The following FHIT variants were observed in gnomAD, a reference collection of about 807,000 sequenced individuals.
FHIT encodes the protein bis(5'-adenosyl)-triphosphatase.
A neutral mutation model predicts 17.9 loss-of-function variants in FHIT; 19 were observed. The observed-to-expected ratio is 1.06, with a 90% confidence interval of 0.74 to 1.56. The LOEUF is 1.56. Among genes scored for constraint, FHIT ranks in the 40% most tolerant of loss-of-function variants. FHIT has a pLI of 0.00. For missense variants in FHIT, 248 were observed against 189.2 expected, an observed-to-expected ratio of 1.31 and a Z score of -1.82; for synonymous variants, 81 against 69.7, an observed-to-expected ratio of 1.16 and a Z score of -0.81.
chr3:59,916,500 T>C (rs900072992), intron 8 of FHIT, among the ~76,000 whole-genome samples: 1 of 152,220 alleles, frequency 6.6e-6, no homozygotes, highest in African/African-American at 2.4e-5. Flanking sequence ...TCCTACTAGT[T>C]CTGTCCTGCT....
intron 8 of FHIT, among the ~76,000 whole-genome samples, chr3:59,860,084 C>G (rs17363039): frequency 0.056 from 8,555 of 151,976 alleles, 311 homozygotes; most frequent in Non-Finnish European, 0.08. Flanking sequence ...GAAAGGATAC[C>G]GCAGTTCTTG....
At chr3:59,911,304 A>C (rs1704862300) in intron 8 of FHIT, among the ~76,000 whole-genome samples, 1 of 152,162 alleles carries the variant, frequency 6.6e-6, no homozygotes, top group Non-Finnish European at 1.5e-5. Context: ...CTCTGATGTA[A>C]ACTGGAACCA....
chr3:60,715,623 G>T lies in FHIT; in HGVS notation c.-18+106296C>A, dbSNP rs563696878. 6.0e-4 allele frequency among the ~76,000 whole-genome samples: 74 copies of T among 123,354 alleles called. 4 individuals are homozygous for T. The highest frequency in any genetic ancestry group is 2.2e-3 in the African/African-American group (70 of 32,528). The allele number at this position is 123,354 out of a possible 152,430, so 80.9% of individuals were successfully genotyped here. On this transcript the variant is annotated intron_variant, in intron 4 of 9. Transcript: ENST00000492590. Reference sequence around the variant, plus strand: ...ACATCACACTCTGGGGACTGTTGTGGGGTGGGGGGAGGGGGGAGGGGTAGC... The same window carrying T: ...ACATCACACTCTGGGGACTGTTGTGTGGTGGGGGGAGGGGGGAGGGGTAGC...
At chr3:60,480,164 G>A (rs2033543991) in intron 5 of FHIT, among the ~76,000 whole-genome samples, 1 of 152,170 alleles carries the variant, frequency 6.6e-6, no homozygotes, top group South Asian at 2.1e-4. Context: ...GAGAAAGAGA[G>A]AGAAAACCAG....
chr3:60,145,886 C>T (rs6789385), intron 5 of FHIT, among the ~76,000 whole-genome samples: 20,229 of 152,084 alleles, frequency 0.13, 2,254 homozygotes, highest in African/African-American at 0.3. Flanking sequence ...TTAAGGGCTC[C>T]CCAAGAACAG....
chr3:60,045,073 G>T (rs990629264), intron 5 of FHIT, among the ~76,000 whole-genome samples: 1 of 152,094 alleles, frequency 6.6e-6, no homozygotes, highest in Non-Finnish European at 1.5e-5. Flanking sequence ...ACAAAGATGG[G>T]GAGTTGTTGC....
At chr3:60,889,112 T>G (rs1264067244) in intron 3 of FHIT, among the ~76,000 whole-genome samples, 1 of 152,226 alleles carries the variant, frequency 6.6e-6, no homozygotes, top group Non-Finnish European at 1.5e-5. Context: ...TGACTCATTC[T>G]GATTACCTGC....
chr3:59,889,743 T>A (rs948776394), intron 8 of FHIT, among the ~76,000 whole-genome samples: 1 of 152,212 alleles, frequency 6.6e-6, no homozygotes, highest in Non-Finnish European at 1.5e-5. Flanking sequence ...CAGTCTTTGG[T>A]GCTCATTAAG....
Position 60,330,222 on chromosome 3 carries a change from T to G in FHIT, c.103+206638A>C, listed in dbSNP as rs146549119. On this transcript the variant is annotated intron_variant, in intron 5 of 9. Coordinates refer to ENST00000492590, the MANE Select transcript of FHIT (RefSeq NM_002012.4). The stretch of plus-strand genomic sequence containing the variant: ...TGACAGAGCAAGTATTCCAGACAAT[T>G]GGTTCCTGGAGGGTCAAGACAGCAA... 2.1e-3 allele frequency among the ~76,000 whole-genome samples: 321 copies of G among 152,254 alleles called. 1 individual carries two copies. Among genetic ancestry groups the G allele is most frequent in the Middle Eastern group, 6.8e-3 (2 of 294 alleles).
intron 5 of FHIT, among the ~76,000 whole-genome samples, chr3:60,138,387 C>T (rs924801637): frequency 2.6e-5 from 4 of 152,176 alleles, no homozygotes; most frequent in Non-Finnish European, 5.9e-5. Flanking sequence ...AGTAAATACA[C>T]ATTGTCTCTC....
chr3:60,158,790 C>T (rs1468181375), intron 5 of FHIT, among the ~76,000 whole-genome samples: 1 of 152,088 alleles, frequency 6.6e-6, no homozygotes. Context: ...AAATTATCCC[C>T]ACTTTGTGAC....
At chr3:59,995,351 G>T (rs192665164) in intron 7 of FHIT, among the ~76,000 whole-genome samples, 1 of 152,064 alleles carries the variant, frequency 6.6e-6, no homozygotes, top group East Asian at 1.9e-4. Flanking sequence ...CCAACTCCTA[G>T]CTTTCACCTC....
At chr3:61,046,250 G>A (rs2083265) in intron 2 of FHIT, among the ~76,000 whole-genome samples, 110,268 of 151,908 alleles carry the variant, frequency 0.73, 41,819 homozygotes, top group East Asian at 0.99. Flanking sequence ...TAGCAAGACT[G>A]GTAAAGAAGA....
chr3:60,648,185 T>A (rs2039906467), intron 4 of FHIT, among the ~76,000 whole-genome samples: 1 of 152,200 alleles, frequency 6.6e-6, no homozygotes. Context: ...TAGGTATCAC[T>A]TATCAATGAA....
chr3:59,889,693 G>T (rs1023998258), intron 8 of FHIT, among the ~76,000 whole-genome samples: 1 of 152,146 alleles, frequency 6.6e-6, no homozygotes, highest in Non-Finnish European at 1.5e-5. Flanking sequence ...CTAATAAATG[G>T]TTTCTTTTTT....
At chr3:60,535,839 C>A (rs371180895) in intron 5 of FHIT, 1 of 148,220 alleles carries the variant, frequency 6.7e-6, no homozygotes. Context: ...ACAATAGTTA[C>A]GTGGCTAGAA....
At chr3:59,894,599 A>C (rs1486655602) in intron 8 of FHIT, among the ~76,000 whole-genome samples, 2 of 152,210 alleles carry the variant, frequency 1.3e-5, no homozygotes, top group Admixed American at 6.5e-5. Flanking sequence ...TATATGATTG[A>C]ATCAGTGAAC....
At chr3:60,141,345 A>G (rs566109236) in intron 5 of FHIT, among the ~76,000 whole-genome samples, 16 of 151,302 alleles carry the variant, frequency 1.1e-4, no homozygotes, top group African/African-American at 3.9e-4. Flanking sequence ...CTAAGATTGT[A>G]GTTGTGCAGT....
intron 5 of FHIT, among the ~76,000 whole-genome samples, chr3:60,273,778 T>C (rs1280274333): frequency 6.6e-6 from 1 of 152,174 alleles, no homozygotes; most frequent in Non-Finnish European, 1.5e-5. Flanking sequence ...GTGAAAACAC[T>C]ATTTCTATTG....
Sources: allele counts gnomAD v4.1 joint callset (sites outside exome capture counted in the v4.1 genomes callset), GRCh38; gene constraint gnomAD v4.1.1; transcripts MANE v1.5; gene names NCBI Gene and HGNC (gene_info 2026-07-23, HGNC 2026-07-21).